Variants in VWA8 observed in about 807,000 individuals in gnomAD.
VWA8 encodes von Willebrand factor A domain-containing protein 8.
In VWA8, 221 loss-of-function variants were observed where a neutral mutation model predicts 241.5. That is an observed-to-expected ratio of 0.91 (90% confidence interval 0.82 to 1.02). VWA8 has a LOEUF of 1.02. Among genes scored for constraint, VWA8 ranks in the 50% least tolerant of loss-of-function variants. The pLI, the probability that VWA8 is intolerant of heterozygous loss-of-function variation, is 0.00. For synonymous variants in VWA8, 852 were observed against 827.1 expected, an observed-to-expected ratio of 1.03 and a Z score of -0.52; for missense variants, 2,322 against 2,328.7, an observed-to-expected ratio of 1.00 and a Z score of 0.06.
At chr13:41,881,371 C>CGGGGGGGGGGG (rs1491104127) in intron 9 of VWA8, among the ~76,000 whole-genome samples, 1 of 10,984 alleles carries the variant, frequency 9.1e-5, no homozygotes, top group Non-Finnish European at 2.0e-4. Context: ...TTTTTTTTTG[C>CGGGGGGGGGGG]CGGGGGGGGG....
At chr13:41,593,801 C>T (rs1300025359) in intron 40 of VWA8, among the ~76,000 whole-genome samples, 1 of 152,030 alleles carries the variant, frequency 6.6e-6, no homozygotes, top group Non-Finnish European at 1.5e-5. Context: ...GGAAAACCAG[C>T]ACTGAAGAAA....
At chr13:41,902,795 G>A (rs1252815769) in intron 4 of VWA8, among the ~76,000 whole-genome samples, 2 of 152,138 alleles carry the variant, frequency 1.3e-5, no homozygotes, top group Non-Finnish European at 2.9e-5. Flanking sequence ...GAGAATTAGT[G>A]AAGAGCTTAA....
chr13:41,782,898 T>C (rs985815733), intron 19 of VWA8, among the ~76,000 whole-genome samples: 12 of 151,640 alleles, frequency 7.9e-5, no homozygotes, highest in South Asian at 2.1e-4. Context: ...TACAAACTTA[T>C]ATGTCTTAGT....
Position 41,891,495 on chromosome 13 carries a change from C to T in VWA8, c.576G>A (p.Leu192=). 1 of 1,614,210 alleles carries T rather than the reference C, an allele frequency of 6.2e-7. No individual in the cohort carries two copies. Among genetic ancestry groups the T allele is most frequent in the Non-Finnish European group, 8.5e-7 (1 of 1,180,028 alleles). Residue 192 remains leucine (L), a synonymous_variant, in exon 5 of 45, where the codon TTG becomes TTA. Coordinates refer to ENST00000379310, the MANE Select transcript of VWA8 (RefSeq NM_015058.2). ...ERNVLPVLNN[L]LENREMQLED... Reference sequence around the variant, plus strand: ...CAAGCTGCATCTCTCTGTTTTCCAGCAAGTTGTTCAAAACAGGCAAAACAT... The same window carrying T: ...CAAGCTGCATCTCTCTGTTTTCCAGTAAGTTGTTCAAAACAGGCAAAACAT...
intron 43 of VWA8, among the ~76,000 whole-genome samples, chr13:41,572,190 C>T (rs1237671418): frequency 6.6e-5 from 10 of 151,556 alleles, no homozygotes; most frequent in East Asian, 5.9e-4. Context: ...GGTCAGCCCC[C>T]GCCCCGCCAG....
At chr13:41,569,913 G>C (rs1225462060) in intron 44 of VWA8, among the ~76,000 whole-genome samples, 1 of 151,934 alleles carries the variant, frequency 6.6e-6, no homozygotes, top group Non-Finnish European at 1.5e-5. Context: ...GTCGCCAAGT[G>C]TTTCACCTGC....
At chr13:41,569,976 T>C (rs1169318720) in intron 44 of VWA8, among the ~76,000 whole-genome samples, 2 of 152,182 alleles carry the variant, frequency 1.3e-5, no homozygotes, top group African/African-American at 2.4e-5. Context: ...TATATATATA[T>C]ACAGGCATGC....
At chr13:41,572,947 A>AAAAT (rs1452102389) in intron 43 of VWA8, among the ~76,000 whole-genome samples, 1 of 147,010 alleles carries the variant, frequency 6.8e-6, no homozygotes, top group Admixed American at 6.7e-5. Flanking sequence ...GTCTCTACTA[A>AAAAT]AAATACAAAA....
At chr13:41,636,042 A>T (rs1397064299) in intron 37 of VWA8, among the ~76,000 whole-genome samples, 1 of 152,202 alleles carries the variant, frequency 6.6e-6, no homozygotes, top group Non-Finnish European at 1.5e-5. Context: ...AAGCCGAATA[A>T]ACCAATCAGA....
At chr13:41,859,572 A>C (rs910323906) in intron 12 of VWA8, among the ~76,000 whole-genome samples, 3 of 152,190 alleles carry the variant, frequency 2.0e-5, no homozygotes, top group Non-Finnish European at 4.4e-5. Flanking sequence ...TGTAGAAAGA[A>C]ATCTGGAAAT....
At chr13:41,863,397 G>T (rs1374927738) in intron 12 of VWA8, among the ~76,000 whole-genome samples, 5 of 19,866 alleles carry the variant, frequency 2.5e-4, no homozygotes, top group Non-Finnish European at 4.1e-4. Flanking sequence ...TCTCCTATTT[G>T]TGTGTGTGTG....
intron 12 of VWA8, among the ~76,000 whole-genome samples, chr13:41,837,140 G>A (rs1463635157): frequency 6.6e-6 from 1 of 152,070 alleles, no homozygotes; most frequent in Non-Finnish European, 1.5e-5. Context: ...GTCTGGTCTT[G>A]AACTCCTGGC....
At chr13:41,927,615 AAAAC>A (rs1876911624) in intron 2 of VWA8, among the ~76,000 whole-genome samples, 1 of 152,224 alleles carries the variant, frequency 6.6e-6, no homozygotes, top group Non-Finnish European at 1.5e-5. Context: ...AGCAGATACA[AAAAC>A]AATACAGAGA....
chr13:41,685,111 A>G lies in VWA8; in HGVS notation c.4263T>C (p.Asp1421=), dbSNP rs962988897. The G allele has an allele frequency of 6.2e-7, 1 of 1,613,686 alleles. No individual in the cohort carries two copies. Residue 1421 remains aspartate, a synonymous_variant, in exon 35 of 45, where the codon GAT becomes GAC. Coordinates refer to ENST00000379310, the MANE Select transcript of VWA8 (RefSeq NM_015058.2). ...PKQSNCVTLL[D]TNQVVRILPP... ...GTAAAATCCTCACTACCTGATTCGT[A>G]TCTAAAAGAGTCACACAATTGCTTT...
At chr13:41,855,105 G>A (rs1310710854) in intron 12 of VWA8, among the ~76,000 whole-genome samples, 1 of 151,790 alleles carries the variant, frequency 6.6e-6, no homozygotes, top group Non-Finnish European at 1.5e-5. Flanking sequence ...GAAATAGGGG[G>A]AAAATTAGAA....
At chr13:41,920,055 GT>G (rs1249295046) in intron 2 of VWA8, among the ~76,000 whole-genome samples, 2 of 152,162 alleles carry the variant, frequency 1.3e-5, no homozygotes, top group African/African-American at 4.8e-5. Flanking sequence ...ACTGCTCCCT[GT>G]CCCCTGGGCC....
chr13:41,730,646 A>C (rs894441194), intron 22 of VWA8, among the ~76,000 whole-genome samples: 7 of 152,170 alleles, frequency 4.6e-5, no homozygotes, highest in African/African-American at 1.7e-4. Flanking sequence ...GAAAAGAAAG[A>C]TGAAAGCTAG....
chr13:41,741,058 C>G (rs78413524), intron 21 of VWA8, among the ~76,000 whole-genome samples: 22,834 of 152,086 alleles, frequency 0.15, 1,995 homozygotes, highest in Non-Finnish European at 0.2. Context: ...GCTTTATTTT[C>G]CCACATAACA....
At position 41,912,146 on chromosome 13, in the gene VWA8, A is replaced by G; in HGVS notation, c.264T>C (p.Ser88=). ...QNYISDSLAQ[S]VVQHLRWIMQ... ...TTATCCATCTTAGATGCTGAACTAC[A>G]GATTGAGCCAGAGAGTCTGAAACTA... Residue 88 remains serine (S), a synonymous_variant, in exon 3 of 45, where the codon TCT becomes TCC. Transcript: ENST00000379310. The G allele has an allele frequency of 6.2e-7, 1 of 1,604,428 alleles. No homozygotes were observed. The highest frequency in any genetic ancestry group is 1.3e-5 in the African/African-American group (1 of 74,914).
Sources: gnomAD v4.1 joint callset for allele counts (sites outside exome capture counted in the v4.1 genomes callset) on GRCh38, gnomAD v4.1.1 for gene constraint, MANE v1.5 for transcripts, NCBI Gene and HGNC (gene_info 2026-07-23, HGNC 2026-07-21) for gene names.